The following SLC22A24 variants were observed in gnomAD, a reference collection of about 807,000 sequenced individuals.
SLC22A24 encodes steroid transmembrane transporter SLC22A24.
SLC22A24 carries 53 observed loss-of-function variants against 49.8 expected under a neutral mutation model. The observed-to-expected ratio is 1.06, with a 90% confidence interval of 0.85 to 1.34. The LOEUF (loss-of-function observed/expected upper bound fraction) is 1.34. SLC22A24 is among the 40% of genes most tolerant of loss of function. The probability of loss-of-function intolerance (pLI) is 0.00; values close to 1 mark genes in which losing one functional copy is unlikely to be tolerated. For synonymous variants in SLC22A24, 302 were observed against 256.4 expected, an observed-to-expected ratio of 1.18 and a Z score of -1.70; for missense variants, 786 against 675.9, an observed-to-expected ratio of 1.16 and a Z score of -1.81.
intron 6 of SLC22A24, among the ~76,000 whole-genome samples, chr11:63,088,371 A>ACAACATCAACAT (rs56306229): frequency 0.57 from 85,322 of 150,964 alleles, 24,298 homozygotes; most frequent in Non-Finnish European, 0.59. Flanking sequence ...ACAGAAAGCT[A>ACAACATCAACAT]CAACATCAAC....
rs1358227739 is a variant in SLC22A24, at chr11:63,081,139, A to G, written c.1395-16T>C. On this transcript the variant is annotated splice_polypyrimidine_tract_variant and intron_variant, in intron 8 of 9. Transcript: ENST00000612278. ...AACTGTTGACCTTAGAGTGCAAATA[A>G]CAATACAAAAAATCTTGTATGAATC... is the stretch of plus-strand genomic sequence containing the variant. The G allele has an allele frequency of 6.5e-7, 1 of 1,546,074 alleles. No homozygotes were observed. Among genetic ancestry groups the G allele is most frequent in the Non-Finnish European group, 8.8e-7 (1 of 1,142,052 alleles).
chr11:63,092,891 T>A (rs1461008543), intron 6 of SLC22A24, among the ~76,000 whole-genome samples: 1 of 151,864 alleles, frequency 6.6e-6, no homozygotes, highest in African/African-American at 2.4e-5. Flanking sequence ...TAAACTATCA[T>A]CAGAGTGAAC....
chr11:63,104,283 A>C lies in SLC22A24; in HGVS notation c.846T>G (p.Ser282=). The C allele has an allele frequency of 6.5e-7, 1 of 1,549,972 alleles. No homozygotes were observed. The highest frequency in any genetic ancestry group is 1.2e-5 in the South Asian group (1 of 83,882). Reference sequence around the variant, plus strand: ...GATTGTTGATAATCAGCCACCGAGCAGACTCCACCATCTTCCTGATGAAAG... The same window carrying C: ...GATTGTTGATAATCAGCCACCGAGCCGACTCCACCATCTTCCTGATGAAAG... ...LFLSSWKMVE[S]ARWLIINNQL... is the part of the protein sequence containing the mutation. The change falls in exon 5 of 10, where the codon TCT becomes TCG. Residue 282 remains serine (S), a synonymous_variant. Coordinates refer to ENST00000612278, the MANE Select transcript of SLC22A24 (RefSeq NM_001136506.2).
At chr11:63,098,125 T>G (rs1344794154) in intron 5 of SLC22A24, among the ~76,000 whole-genome samples, 1 of 152,110 alleles carries the variant, frequency 6.6e-6, no homozygotes, top group East Asian at 1.9e-4. Flanking sequence ...TCAAGCATCA[T>G]CTCTTACCAC....
chr11:63,106,412 T>C (rs532807351), intron 4 of SLC22A24, among the ~76,000 whole-genome samples: 1 of 152,300 alleles, frequency 6.6e-6, no homozygotes, highest in Admixed American at 6.5e-5. Flanking sequence ...TGTGTCTTTA[T>C]AGCAGCATGA....
chr11:63,107,896 T>A (rs1409307452), intron 4 of SLC22A24, among the ~76,000 whole-genome samples: 12 of 152,128 alleles, frequency 7.9e-5, no homozygotes, highest in Non-Finnish European at 1.5e-4. Context: ...CAATTTGACT[T>A]CCTCTTTTCC....
At chr11:63,116,036 G>T in intron 4 of SLC22A24, 1 of 335,372 alleles carries the variant, frequency 3.0e-6, no homozygotes, top group Non-Finnish European at 5.6e-6. Context: ...CAAGCTTGAG[G>T]TGGGCAATGT....
At chr11:63,099,370 G>GGT (rs1279683430) in intron 5 of SLC22A24, among the ~76,000 whole-genome samples, 1 of 34,430 alleles carries the variant, frequency 2.9e-5, no homozygotes, top group Admixed American at 3.9e-4. Flanking sequence ...TAATTTTTAA[G>GGT]ATTTTTTTTT....
At chr11:63,101,922 G>C (rs117907648) in intron 5 of SLC22A24, among the ~76,000 whole-genome samples, 1 of 152,046 alleles carries the variant, frequency 6.6e-6, no homozygotes. Flanking sequence ...AGAGTAGAAG[G>C]ATGGTTAGCA....
intron 4 of SLC22A24, among the ~76,000 whole-genome samples, chr11:63,110,347 A>T (rs2087153971): frequency 6.6e-6 from 1 of 152,190 alleles, no homozygotes; most frequent in African/African-American, 2.4e-5. Context: ...TTTTGGTTCC[A>T]TATGAAGTTT....
intron 6 of SLC22A24, among the ~76,000 whole-genome samples, chr11:63,092,286 T>A (rs539313219): frequency 1.3e-5 from 2 of 151,610 alleles, no homozygotes; most frequent in South Asian, 4.2e-4. Context: ...TCCATGCTCA[T>A]GGATGGGAAT....
chr11:63,136,707 G>C (rs932943194), intron 1 of SLC22A24, among the ~76,000 whole-genome samples: 1 of 152,222 alleles, frequency 6.6e-6, no homozygotes, highest in African/African-American at 2.4e-5. Flanking sequence ...CCCTTGGGTG[G>C]TTGCAAATTT....
chr11:63,120,435 C>G (rs2087243510), intron 2 of SLC22A24, among the ~76,000 whole-genome samples: 1 of 151,020 alleles, frequency 6.6e-6, no homozygotes, highest in Non-Finnish European at 1.5e-5. Flanking sequence ...CACATGTACC[C>G]TAAAACTTAA....
intron 9 of SLC22A24, among the ~76,000 whole-genome samples, chr11:63,080,567 G>A (rs559921438): frequency 1.3e-5 from 2 of 152,358 alleles, no homozygotes; most frequent in South Asian, 2.1e-4. Context: ...AAAACCAGGG[G>A]ATGAGAATGA....
intron 6 of SLC22A24, among the ~76,000 whole-genome samples, chr11:63,084,081 C>T (rs952318450): frequency 6.6e-6 from 1 of 152,116 alleles, no homozygotes; most frequent in Non-Finnish European, 1.5e-5. Context: ...CCATATCAAC[C>T]ACCAAGGTCA....
chr11:63,135,828 G>A (rs531300330), intron 1 of SLC22A24, among the ~76,000 whole-genome samples: 17 of 152,312 alleles, frequency 1.1e-4, no homozygotes, highest in Admixed American at 4.6e-4. Flanking sequence ...TGAACATACA[G>A]TGCAGTGGTG....
intron 6 of SLC22A24, among the ~76,000 whole-genome samples, chr11:63,089,897 C>T (rs546196550): frequency 1.7e-4 from 26 of 151,694 alleles, no homozygotes; most frequent in African/African-American, 3.6e-4. Context: ...CTGGCTAACA[C>T]GGTGAAACCC....
intron 4 of SLC22A24, chr11:63,118,620 C>A (rs1225522991): frequency 1.3e-5 from 7 of 545,498 alleles, no homozygotes; most frequent in Non-Finnish European, 2.3e-5. Context: ...CATAATATTC[C>A]AAAAGTTAGA....
chr11:63,099,015 A>T (rs1000113970), intron 5 of SLC22A24, among the ~76,000 whole-genome samples: 1 of 152,120 alleles, frequency 6.6e-6, no homozygotes, highest in African/African-American at 2.4e-5. Context: ...AAGCTAGAAA[A>T]AAATGAATAA....
Sources: allele counts gnomAD v4.1 joint callset (sites outside exome capture counted in the v4.1 genomes callset), GRCh38; gene constraint gnomAD v4.1.1; transcripts MANE v1.5; gene names NCBI Gene and HGNC (gene_info 2026-07-23, HGNC 2026-07-21).